TCF4: variants seen among roughly 807,000 people sequenced by gnomAD.
TCF4 encodes the protein transcription factor 4.
TCF4 carries 3 observed loss-of-function variants against 82.1 expected under a neutral mutation model. The ratio of observed to expected loss-of-function variants is 0.04; its 90% CI spans 0.02 to 0.09. The LOEUF (loss-of-function observed/expected upper bound fraction) is 0.09. Ranked by LOEUF, TCF4 falls within the 10% of genes least tolerant of loss-of-function variation. The pLI is 1.00. For synonymous variants in TCF4, 276 were observed against 309.6 expected, an observed-to-expected ratio of 0.89 and a Z score of 1.14; for missense variants, 518 against 852.7, an observed-to-expected ratio of 0.61 and a Z score of 4.89.
At chr18:55,500,518 G>A (rs778631011) in intron 3 of TCF4, among the ~76,000 whole-genome samples, 23 of 152,098 alleles carry the variant, frequency 1.5e-4, no homozygotes, top group Non-Finnish European at 2.8e-4. Context: ...CTGTTTATAC[G>A]ACTATTTAAT....
chr18:55,464,443 C>A (rs2095958549), intron 3 of TCF4, among the ~76,000 whole-genome samples: 1 of 152,154 alleles, frequency 6.6e-6, no homozygotes, highest in South Asian at 2.1e-4. Context: ...TTATTACAAT[C>A]TTTTGGATAA....
intron 3 of TCF4, among the ~76,000 whole-genome samples, chr18:55,519,675 T>C (rs2096917190): frequency 6.6e-6 from 1 of 152,170 alleles, no homozygotes; most frequent in Non-Finnish European, 1.5e-5. Flanking sequence ...CACAACTCAC[T>C]TACATGCTGA....
At chr18:55,474,842 A>G (rs1358511262) in intron 3 of TCF4, among the ~76,000 whole-genome samples, 2 of 152,138 alleles carry the variant, frequency 1.3e-5, no homozygotes, top group Non-Finnish European at 2.9e-5. Flanking sequence ...TGGCACAAAC[A>G]CAGCTCACCA....
chr18:55,484,997 G>A (rs1050766070), intron 3 of TCF4, among the ~76,000 whole-genome samples: 2 of 152,152 alleles, frequency 1.3e-5, no homozygotes, highest in African/African-American at 2.4e-5. Context: ...GCCTTCCCCA[G>A]GCCAGATACT....
chr18:55,527,560 T>G (rs886527959), intron 3 of TCF4, among the ~76,000 whole-genome samples: 2 of 152,064 alleles, frequency 1.3e-5, no homozygotes, highest in African/African-American at 4.8e-5. Flanking sequence ...AGGTGACATG[T>G]CAAACACACA....
chr18:55,324,275 T>C (rs1216760613), intron 8 of TCF4, among the ~76,000 whole-genome samples: 3 of 152,252 alleles, frequency 2.0e-5, no homozygotes, highest in African/African-American at 4.8e-5. Flanking sequence ...CTACGAATTA[T>C]AGCCAGTGAG....
At chr18:55,322,825 G>A (rs1200933279) in intron 8 of TCF4, among the ~76,000 whole-genome samples, 2 of 152,138 alleles carry the variant, frequency 1.3e-5, no homozygotes, top group East Asian at 3.9e-4. Context: ...TGGTACCTTC[G>A]AACCGACGAA....
At chr18:55,572,008 C>G (rs1386628006) in intron 3 of TCF4, among the ~76,000 whole-genome samples, 1 of 152,092 alleles carries the variant, frequency 6.6e-6, no homozygotes, top group Non-Finnish European at 1.5e-5. Flanking sequence ...GAGGTACTCT[C>G]TAGGAGGCAG....
chr18:55,590,467 G>A (rs1211990651), upstream of TCF4, among the ~76,000 whole-genome samples: 1 of 152,184 alleles, frequency 6.6e-6, no homozygotes, highest in Non-Finnish European at 1.5e-5. Flanking sequence ...TGTGCCATAA[G>A]CCACGACTGA....
intron 15 of TCF4, among the ~76,000 whole-genome samples, chr18:55,235,746 C>T (rs2049168801): frequency 1.3e-5 from 2 of 152,172 alleles, no homozygotes; most frequent in Non-Finnish European, 2.9e-5. Flanking sequence ...TGAGCATTTA[C>T]ACAGGACGGT....
At chr18:55,531,913 C>G (rs2097067924) in intron 3 of TCF4, among the ~76,000 whole-genome samples, 1 of 152,154 alleles carries the variant, frequency 6.6e-6, no homozygotes, top group Non-Finnish European at 1.5e-5. Flanking sequence ...TCTGGCATAT[C>G]TGTTTAGAAA....
chr18:55,586,120 G>C (rs1242325337), intron 2 of TCF4: 1 of 1,428,036 alleles, frequency 7.0e-7, no homozygotes. Context: ...TCTAGAAGAG[G>C]AGGAGGAGGA....
At chr18:55,514,665 T>C (rs959672027) in intron 3 of TCF4, among the ~76,000 whole-genome samples, 3 of 152,188 alleles carry the variant, frequency 2.0e-5, no homozygotes, top group African/African-American at 7.2e-5. Context: ...TGAACTCTGC[T>C]CAGGGCAGCC....
At chr18:55,434,807 T>G (rs958280857) in intron 5 of TCF4, among the ~76,000 whole-genome samples, 2 of 151,708 alleles carry the variant, frequency 1.3e-5, no homozygotes, top group African/African-American at 4.8e-5. Flanking sequence ...TATTTTAATT[T>G]TTGTAGGTAC....
intron 3 of TCF4, among the ~76,000 whole-genome samples, chr18:55,464,636 G>A (rs1442724705): frequency 6.6e-6 from 1 of 152,112 alleles, no homozygotes; most frequent in African/African-American, 2.4e-5. Flanking sequence ...AAAGTATTCA[G>A]TAGTCTATTT....
At chr18:55,508,948 A>T (rs975638122) in intron 3 of TCF4, among the ~76,000 whole-genome samples, 4 of 152,240 alleles carry the variant, frequency 2.6e-5, no homozygotes, top group Non-Finnish European at 2.9e-5. Flanking sequence ...TAAACAGATT[A>T]TCTGAAACAT....
chr18:55,337,056 C>T lies in TCF4; in HGVS notation c.549+13303G>A, dbSNP rs527409306. Among the ~76,000 whole-genome samples the T allele has an allele frequency of 3.3e-5, 5 of 152,156 alleles. No individual in the cohort carries two copies. The East Asian group carries it at 7.7e-4, about 23-fold the overall frequency. ...AAGTTTTTTAGAAAACTATAACACA[C>T]TTTTAGTGTCCCCAGAACCTGTTGC... On this transcript the variant is annotated intron_variant, in intron 8 of 19. Coordinates refer to ENST00000354452, the MANE Select transcript of TCF4 (RefSeq NM_001083962.2).
intron 5 of TCF4, among the ~76,000 whole-genome samples, chr18:55,427,595 A>C (rs1295861997): frequency 2.6e-5 from 4 of 152,190 alleles, no homozygotes; most frequent in Admixed American, 6.5e-5. Flanking sequence ...TCATCAATGA[A>C]ATAGGACTAG....
At chr18:55,597,181 CTT>C (rs2147937720) in intron 2 of TCF4, among the ~76,000 whole-genome samples, 1 of 152,250 alleles carries the variant, frequency 6.6e-6, no homozygotes, top group African/African-American at 2.4e-5. Flanking sequence ...AATTAAACTT[CTT>C]TTCTTCATAA....
Sources: gnomAD v4.1 joint callset for allele counts (sites outside exome capture counted in the v4.1 genomes callset) on GRCh38, gnomAD v4.1.1 for gene constraint, MANE v1.5 for transcripts, NCBI Gene and HGNC (gene_info 2026-07-23, HGNC 2026-07-21) for gene names.